SGK1: variants seen among roughly 807,000 people sequenced by gnomAD.
The protein encoded by SGK1 is serum/glucocorticoid regulated kinase 1, also known as serine/threonine-protein kinase Sgk1.
Under a neutral mutation model 64.2 loss-of-function variants are expected in SGK1, and 26 were observed. The ratio of observed to expected loss-of-function variants is 0.40; its 90% confidence interval spans 0.30 to 0.56. SGK1 has a LOEUF of 0.56. Among genes scored for constraint, SGK1 ranks in the 20% least tolerant of loss-of-function variants. The pLI, the probability that SGK1 is intolerant of heterozygous loss-of-function variation, is 0.38. For synonymous variants in SGK1, 265 were observed against 239.7 expected (o/e 1.11, Z -0.98); for missense variants, 519 against 645.6 (o/e 0.80, Z 2.12).
At chr6:134,174,764 G>A in intron 3 of SGK1, 178 bp from the exon 4 acceptor site, 1 of 1,614,200 alleles carries the variant, frequency 6.2e-7, no homozygotes, top group Non-Finnish European at 8.5e-7. Flanking sequence ...CCTCATCCTG[G>A]AGTAAGTGAG....
chr6:134,209,710 T>A (rs146106402), intron 2 of SGK1, among the ~76,000 whole-genome samples: 2,057 of 152,294 alleles, frequency 0.014, 25 homozygotes, highest in African/African-American at 0.027. Context: ...GGAGTCTCGC[T>A]TTGTTGCCCA....
chr6:134,295,663 A>C (rs1313597149), intron 1 of SGK1, among the ~76,000 whole-genome samples: 2 of 151,688 alleles, frequency 1.3e-5, no homozygotes, highest in Admixed American at 6.6e-5. Flanking sequence ...AGATCGTGCC[A>C]CTGCACTCTA....
intron 1 of SGK1, among the ~76,000 whole-genome samples, chr6:134,284,451 A>G (rs1448610948): frequency 1.3e-5 from 2 of 151,616 alleles, no homozygotes; most frequent in African/African-American, 4.8e-5. Flanking sequence ...CTTAGAAGTG[A>G]GAACATATGA....
intron 1 of SGK1, among the ~76,000 whole-genome samples, chr6:134,267,416 G>A (rs1438969456): frequency 1.3e-5 from 2 of 151,858 alleles, no homozygotes; most frequent in Non-Finnish European, 2.9e-5. Flanking sequence ...TCTCGCCTCA[G>A]CCTCCCAGTT....
At chr6:134,172,519 T>C (rs976248933) in intron 9 of SGK1, 143 bp downstream of exon 9, 1 of 771,290 alleles carries the variant, frequency 1.3e-6, no homozygotes, top group African/African-American at 1.8e-5. Flanking sequence ...GGCACTTAAG[T>C]CAAGCCAGCT....
intron 3 of SGK1, among the ~76,000 whole-genome samples, chr6:134,190,500 G>A (rs1052919599): frequency 1.3e-5 from 2 of 151,972 alleles, no homozygotes; most frequent in African/African-American, 4.8e-5. Flanking sequence ...TGGCTACACT[G>A]GTCTTGAACT....
In SGK1 at chr6:134,174,374, A is replaced by G. The variant is rs1325903912; in HGVS notation, c.437+137T>C. ...CTTTAATGTTTAAAATGTGTCAAAT[A>G]TATTAGAATTTAAGGAGAAATGAGA... On this transcript the variant is annotated intron_variant, in intron 4 of 13. Transcript: ENST00000367858. 12 of 649,108 alleles carry G rather than the reference A, an allele frequency of 1.8e-5. No homozygotes were observed. In the Admixed American group the frequency reaches 3.2e-4, roughly 17 times the overall value. The allele number at this position is 649,108 out of a possible 1,614,324, so 40.2% of individuals were successfully genotyped here.
intron 5 of SGK1, 28 bp from the exon 6 acceptor site, chr6:134,173,594 T>A: frequency 6.9e-7 from 1 of 1,440,862 alleles, no homozygotes; most frequent in African/African-American, 1.4e-5. Flanking sequence ...GAATTTCTTT[T>A]AATACCATTG....
At chr6:134,235,870 T>C (rs951322856) in intron 2 of SGK1, among the ~76,000 whole-genome samples, 1 of 152,010 alleles carries the variant, frequency 6.6e-6, no homozygotes, top group African/African-American at 2.4e-5. Context: ...CCGCCGCACC[T>C]GGCCATAGAT....
chr6:134,174,479 CTAGTT>C, intron 4 of SGK1, 27 bp downstream of exon 4: 1 of 1,524,516 alleles, frequency 6.6e-7, no homozygotes, highest in Non-Finnish European at 9.1e-7. Context: ...TCAAACTATA[CTAGTT>C]ATTTCCTCAA....
Position 134,207,037 on chromosome 6 carries a change from G to A in SGK1, c.361+319C>T, listed in dbSNP as rs188825321. ...TCAGGAGATCGAGACCATCCTGGCT[G>A]ACACGGTGAAACACCATCTCTACTA... is the stretch of plus-strand genomic sequence containing the variant. On this transcript the variant is annotated intron_variant, in intron 3 of 13. Transcript: ENST00000367858. Among the ~76,000 whole-genome samples, 560 of 151,966 alleles carry A rather than the reference G, an allele frequency of 3.7e-3. 3 individuals carry two copies. The highest frequency in any genetic ancestry group is 5.2e-3 in the East Asian group (27 of 5,162).
chr6:134,218,975 GT>G (rs1238153209), intron 2 of SGK1, among the ~76,000 whole-genome samples: 1 of 151,510 alleles, frequency 6.6e-6, no homozygotes, highest in Non-Finnish European at 1.5e-5. Context: ...TAAAATGGCT[GT>G]TTTTTTGTTT....
chr6:134,289,205 C>T (rs1298423980), intron 1 of SGK1, among the ~76,000 whole-genome samples: 1 of 152,208 alleles, frequency 6.6e-6, no homozygotes, highest in Non-Finnish European at 1.5e-5. Flanking sequence ...TCTCCCTTGT[C>T]TACCCATTTT....
intron 1 of SGK1, among the ~76,000 whole-genome samples, chr6:134,274,171 T>C (rs1776984729): frequency 1.3e-5 from 2 of 151,448 alleles, no homozygotes; most frequent in South Asian, 2.1e-4. Flanking sequence ...ACCCGGCTAA[T>C]TTTTTGTATT....
chr6:134,218,171 AG>A (rs1776017374), intron 2 of SGK1, among the ~76,000 whole-genome samples: 1 of 152,166 alleles, frequency 6.6e-6, no homozygotes, highest in South Asian at 2.1e-4. Flanking sequence ...CGAGGTCCAG[AG>A]GGTAACGTAA....
intron 2 of SGK1, among the ~76,000 whole-genome samples, chr6:134,208,015 G>A (rs772936587): frequency 5.3e-5 from 8 of 152,128 alleles, no homozygotes; most frequent in Non-Finnish European, 1.2e-4. Flanking sequence ...GGGTTCAAGC[G>A]ATTCTCCTGC....
intron 2 of SGK1, among the ~76,000 whole-genome samples, chr6:134,214,689 T>G (rs1775949670): frequency 6.6e-6 from 1 of 152,130 alleles, no homozygotes; most frequent in African/African-American, 2.4e-5. Flanking sequence ...CAGAATAATT[T>G]GAATAAAATT....
Position 134,269,590 on chromosome 6 carries a change from G to A in SGK1, c.70-7442C>T, listed in dbSNP as rs374750647. On this transcript the variant is annotated intron_variant, in intron 1 of 13. Transcript: ENST00000367858. The stretch of plus-strand genomic sequence containing the variant: ...GGAGAATCCCTTGAACCCAGGAGCC[G>A]GAGGTGGCAGTGAGCCAAGATCGTG... 8.9e-5 allele frequency among the ~76,000 whole-genome samples: 13 copies of A among 145,734 alleles called. 2 individuals are homozygous for A. The highest frequency in any genetic ancestry group is 7.1e-4 in the Admixed American group (10 of 14,146).
intron 8 of SGK1, 90 bp downstream of exon 8, chr6:134,172,933 A>G (rs2114634626): frequency 1.4e-6 from 2 of 1,446,602 alleles, no homozygotes; most frequent in Middle Eastern, 1.8e-4. Context: ...CATTCTCCCC[A>G]CCAAAAATCT....
Sources: allele counts gnomAD v4.1 joint callset (sites outside exome capture counted in the v4.1 genomes callset), GRCh38; gene constraint gnomAD v4.1.1; transcripts MANE v1.5; gene names NCBI Gene and HGNC (gene_info 2026-07-23, HGNC 2026-07-21).